The following MAGI2 variants were observed in gnomAD, a reference collection of about 807,000 sequenced individuals.
The protein encoded by MAGI2 is membrane-associated guanylate kinase, WW and PDZ domain-containing protein 2.
A neutral mutation model predicts 133.3 loss-of-function variants in MAGI2; 35 were observed. The observed-to-expected ratio is 0.26, with a 90% CI of 0.20 to 0.35. MAGI2 has a LOEUF of 0.35. Ranked by LOEUF, MAGI2 falls within the 10% of genes least tolerant of loss-of-function variation. The pLI is 1.00. For synonymous variants in MAGI2, 729 were observed against 710.6 expected (o/e 1.03, Z -0.41); for missense variants, 1,636 against 1,863.4 (o/e 0.88, Z 2.25).
chr7:78,417,486 T>C (rs1798408094), intron 6 of MAGI2, among the ~76,000 whole-genome samples: 1 of 152,074 alleles, frequency 6.6e-6, no homozygotes, highest in Non-Finnish European at 1.5e-5. Context: ...ACATCTACAA[T>C]CTTTTACTTA....
chr7:79,017,465 C>G (rs960558324), intron 1 of MAGI2, among the ~76,000 whole-genome samples: 1 of 152,192 alleles, frequency 6.6e-6, no homozygotes, highest in African/African-American at 2.4e-5. Context: ...ACTGAAGCAA[C>G]ATCAGCCCAC....
At chr7:78,028,848 C>CAA (rs56201811) in intron 21 of MAGI2, among the ~76,000 whole-genome samples, 5,970 of 84,172 alleles carry the variant, frequency 0.071, 347 homozygotes, top group Non-Finnish European at 0.11. Context: ...GACTCCATCT[C>CAA]AAAAAAAAAA....
At chr7:78,558,365 G>T (rs886742179) in intron 3 of MAGI2, among the ~76,000 whole-genome samples, 8 of 152,128 alleles carry the variant, frequency 5.3e-5, no homozygotes, top group Non-Finnish European at 1.0e-4. Flanking sequence ...AGGAAAGTAA[G>T]AGTTTTTATT....
At chr7:78,174,027 C>T (rs765628251) in intron 14 of MAGI2, among the ~76,000 whole-genome samples, 12 of 152,202 alleles carry the variant, frequency 7.9e-5, no homozygotes, top group Non-Finnish European at 1.5e-4. Context: ...AGGACGCTAT[C>T]TCTGTTTCTG....
chr7:79,063,734 C>T (rs1290672306), intron 1 of MAGI2, among the ~76,000 whole-genome samples: 14 of 152,050 alleles, frequency 9.2e-5, no homozygotes, highest in Non-Finnish European at 1.6e-4. Flanking sequence ...TATTTCTACA[C>T]CAATCCATCT....
At chr7:78,550,756 GTT>G (rs35785592) in intron 3 of MAGI2, among the ~76,000 whole-genome samples, 2 of 147,136 alleles carry the variant, frequency 1.4e-5, no homozygotes, top group Admixed American at 6.8e-5. Flanking sequence ...CCTCTGAACA[GTT>G]TTTTTTTTTT....
At chr7:79,067,528 T>C (rs1814479070) in intron 1 of MAGI2, among the ~76,000 whole-genome samples, 1 of 152,230 alleles carries the variant, frequency 6.6e-6, no homozygotes. Context: ...GTTTTCTAAA[T>C]ATACAATCAT....
intron 2 of MAGI2, among the ~76,000 whole-genome samples, chr7:78,684,009 G>T (rs1378114449): frequency 6.6e-6 from 1 of 152,148 alleles, no homozygotes; most frequent in Non-Finnish European, 1.5e-5. Context: ...AGAAGGGGCA[G>T]GTTTCAGAGC....
chr7:79,138,428 T>C (rs969424532), intron 1 of MAGI2, among the ~76,000 whole-genome samples: 1 of 152,308 alleles, frequency 6.6e-6, no homozygotes, highest in Middle Eastern at 3.4e-3. Context: ...CAAGTAAAAT[T>C]GAGACCATTA....
intron 21 of MAGI2, among the ~76,000 whole-genome samples, chr7:78,051,320 C>T (rs1380808822): frequency 2.0e-5 from 3 of 152,038 alleles, no homozygotes; most frequent in Non-Finnish European, 2.9e-5. Context: ...AAGTGTGTTA[C>T]GAGGTTGTAC....
intron 1 of MAGI2, chr7:79,012,291 C>A (rs1330134503): frequency 6.6e-6 from 1 of 152,098 alleles, no homozygotes; most frequent in Non-Finnish European, 1.5e-5. Flanking sequence ...CTTCCCTTTG[C>A]TATTATCCAT....
intron 9 of MAGI2, among the ~76,000 whole-genome samples, chr7:78,269,387 T>C (rs1794340894): frequency 6.6e-6 from 1 of 152,206 alleles, no homozygotes; most frequent in African/African-American, 2.4e-5. Context: ...GTTGAACTAA[T>C]TAAACTCCCA....
intron 2 of MAGI2, among the ~76,000 whole-genome samples, chr7:78,865,410 T>C (rs1469265575): frequency 6.6e-6 from 1 of 152,148 alleles, no homozygotes; most frequent in Non-Finnish European, 1.5e-5. Flanking sequence ...AGAGTTGGAA[T>C]TGTGAAATGT....
chr7:79,028,730 G>A (rs1345504678), intron 1 of MAGI2, among the ~76,000 whole-genome samples: 3 of 151,940 alleles, frequency 2.0e-5, no homozygotes, highest in Admixed American at 2.0e-4. Context: ...AAATACATGA[G>A]TGCAACAATA....
chr7:78,643,631 A>G (rs1389500211), intron 2 of MAGI2, among the ~76,000 whole-genome samples: 44 of 152,220 alleles, frequency 2.9e-4, no homozygotes, highest in Admixed American at 2.9e-3. Context: ...TCTCAAAATG[A>G]TAAATATAAA....
At chr7:78,333,251 GA>G in intron 9 of MAGI2, among the ~76,000 whole-genome samples, 1 of 152,260 alleles carries the variant, frequency 6.6e-6, no homozygotes, top group East Asian at 1.9e-4. Context: ...AACTGAAAGG[GA>G]AAACATTATC....
At chr7:79,002,570 T>C (rs1806984158) in intron 2 of MAGI2, among the ~76,000 whole-genome samples, 1 of 152,198 alleles carries the variant, frequency 6.6e-6, no homozygotes, top group Non-Finnish European at 1.5e-5. Context: ...CAAAGAATAG[T>C]ACGATAGTAG....
intron 6 of MAGI2, among the ~76,000 whole-genome samples, chr7:78,417,412 G>T (rs1458805267): frequency 6.6e-6 from 1 of 151,932 alleles, no homozygotes; most frequent in Non-Finnish European, 1.5e-5. Context: ...CTCTCTGATA[G>T]CCTTCCCTGA....
Position 79,141,384 on chromosome 7 carries a change from C to G in MAGI2, c.302-134178G>C, listed in dbSNP as rs894569776. 2.4e-4 allele frequency among the ~76,000 whole-genome samples: 36 copies of G among 152,274 alleles called. 1 individual carries two copies. Among genetic ancestry groups the G allele is most frequent in the South Asian group, 2.1e-4 (1 of 4,834 alleles). On this transcript the variant is annotated intron_variant, in intron 1 of 21. Coordinates refer to ENST00000354212, the MANE Select transcript of MAGI2 (RefSeq NM_012301.4). ...CCTCCCAGTTTTCCCTTTCAAATGT[C>G]TGTATCATGCTGCCATTTCAACTTG...
Sources: allele counts gnomAD v4.1 joint callset (sites outside exome capture counted in the v4.1 genomes callset), GRCh38; gene constraint gnomAD v4.1.1; transcripts MANE v1.5; gene names NCBI Gene and HGNC (gene_info 2026-07-23, HGNC 2026-07-21).